Variants in PRDM8 observed in about 807,000 individuals in gnomAD.
PRDM8 encodes PR domain zinc finger protein 8.
PRDM8 carries 13 observed loss-of-function variants against 46.5 expected under a neutral mutation model. The ratio of observed to expected loss-of-function variants is 0.28; its 90% confidence interval spans 0.18 to 0.44. The LOEUF is 0.44. Ranked by LOEUF, PRDM8 falls within the 20% of genes least tolerant of loss-of-function variation. PRDM8 has a pLI of 1.00. For synonymous variants in PRDM8, 473 were observed against 438.4 expected, an observed-to-expected ratio of 1.08 and a Z score of -0.98; for missense variants, 998 against 955.0, an observed-to-expected ratio of 1.04 and a Z score of -0.59.
upstream of PRDM8, chr4:80,197,287 A>C (rs1738031031): frequency 4.1e-6 from 4 of 976,704 alleles, no homozygotes; most frequent in African/African-American, 1.8e-5. Context: ...CTTTAGGAGG[A>C]GGCGGGCCGG....
upstream of PRDM8, among the ~76,000 whole-genome samples, chr4:80,192,599 T>A (rs1425747063): frequency 6.6e-6 from 1 of 152,234 alleles, no homozygotes; most frequent in Admixed American, 6.5e-5. Flanking sequence ...CACACTGAGA[T>A]GCGTTCAAAG....
intron 1 of PRDM8, among the ~76,000 whole-genome samples, chr4:80,188,790 T>G (rs1275994254): frequency 6.6e-6 from 1 of 152,222 alleles, no homozygotes; most frequent in Non-Finnish European, 1.5e-5. Flanking sequence ...GCGCGGAAGC[T>G]GCGTGGGCTA....
At position 80,202,397 on chromosome 4, in the gene PRDM8, G is replaced by C. The variant is rs201579839; in HGVS notation, c.935G>C (p.Gly312Ala). Reference sequence around the variant, plus strand: ...GGCATCGCCACGGGCGGCGGCAAAGGAAAGAGGAAATTCCCGGAGGAGGCG... The same window carrying C: ...GGCATCGCCACGGGCGGCGGCAAAGCAAAGAGGAAATTCCCGGAGGAGGCG... ...PDGIATGGGK[G>A]KRKFPEEAAE... Residue 312 changes from glycine (G) to alanine (A), a missense_variant, in exon 4 of 4, where the codon GGA becomes GCA. Coordinates refer to ENST00000415738, the MANE Select transcript of PRDM8 (RefSeq NM_001099403.2). 26 of 1,572,930 alleles carry C rather than the reference G, an allele frequency of 1.7e-5. No homozygotes were observed. The highest frequency in any genetic ancestry group is 2.2e-5 in the Non-Finnish European group (26 of 1,159,788).
chr4:80,192,800 A>G (rs751359613), upstream of PRDM8, among the ~76,000 whole-genome samples: 2 of 152,134 alleles, frequency 1.3e-5, no homozygotes, highest in Admixed American at 6.5e-5. Flanking sequence ...TGGGGCACTG[A>G]TTTCATATCT....
In PRDM8 at chr4:80,188,855, T is replaced by C. The variant is rs1052647840; in HGVS notation, c.-982-2617T>C. On this transcript the variant is annotated intron_variant, in intron 1 of 9. Coordinates refer to the PRDM8 transcript ENST00000339711. ...GCCAGACAGGGAGCTCCGTCTGTCG[T>C]GCGGCCCACAGGGCTCCGCTCGAAG... 2.0e-5 allele frequency among the ~76,000 whole-genome samples: 3 copies of C among 152,240 alleles called. No individual in the cohort carries two copies. The East Asian group carries it at 5.8e-4, about 29-fold the overall frequency.
chr4:80,189,007 G>T (rs1414824942), intron 1 of PRDM8, among the ~76,000 whole-genome samples: 1 of 149,676 alleles, frequency 6.7e-6, no homozygotes, highest in Non-Finnish European at 1.5e-5. Context: ...GCCAAGCTCC[G>T]GGACTTGGGT....
At chr4:80,199,413 T>G (rs919501207) in intron 1 of PRDM8, among the ~76,000 whole-genome samples, 2 of 152,102 alleles carry the variant, frequency 1.3e-5, no homozygotes, top group Admixed American at 6.5e-5. Context: ...AGGAACAGTG[T>G]TGGATTATGG....
At chr4:80,195,895 A>C (rs1737903849), upstream of PRDM8, 1 of 201,510 alleles carries the variant, frequency 5.0e-6, no homozygotes, top group Non-Finnish European at 8.5e-6. Context: ...CAGAAAAGAG[A>C]AGGAAATACA....
chr4:80,197,418 A>C, upstream of PRDM8: 1 of 983,786 alleles, frequency 1.0e-6, no homozygotes, highest in Non-Finnish European at 1.2e-6. Flanking sequence ...CCCAGCAAAG[A>C]GTTAAAGGGA....
rs760412391 is a variant in PRDM8 at position 80,201,536 on chromosome 4, G to A, written c.451+15G>A. 6.2e-7 allele frequency: 1 copy of A among 1,609,378 alleles called. No individual in the cohort carries two copies. The highest frequency in any genetic ancestry group is 8.5e-7 in the Non-Finnish European group (1 of 1,175,908). ...CAAAATGAATGGTAGGTTGGCTCGC[G>A]ACCGGCGTGTGGGCCCTTAACTAGC... is the stretch of plus-strand genomic sequence containing the variant. On this transcript the variant is annotated intron_variant, in intron 3 of 3. Coordinates refer to ENST00000415738, the MANE Select transcript of PRDM8 (RefSeq NM_001099403.2).
chr4:80,197,296 G>C (rs1738031634), upstream of PRDM8: 9 of 973,718 alleles, frequency 9.2e-6, no homozygotes, highest in Non-Finnish European at 1.1e-5. Context: ...GAGGCGGGCC[G>C]GGACGCTCTC....
At chr4:80,199,569 GA>G (rs1332915775) in intron 1 of PRDM8, among the ~76,000 whole-genome samples, 3 of 151,900 alleles carry the variant, frequency 2.0e-5, no homozygotes, top group African/African-American at 7.3e-5. Flanking sequence ...CTCCTTGGAA[GA>G]AAAGAAAAAA....
intron 3 of PRDM8, 69 bp downstream of exon 3, chr4:80,201,590 C>A (rs1237033111): frequency 1.3e-6 from 2 of 1,489,844 alleles, no homozygotes; most frequent in Non-Finnish European, 1.9e-6. Context: ...GCGGCAGGGG[C>A]TCACCCGGCG....
At chr4:80,191,651 C>T (rs1303478181) in intron 2 of PRDM8, 2 of 152,178 alleles carry the variant, frequency 1.3e-5, no homozygotes, top group African/African-American at 4.8e-5. Context: ...AAGGAGACCA[C>T]CTTTCCAAGT....
upstream of PRDM8, chr4:80,196,226 A>T (rs912628140): frequency 2.3e-5 from 21 of 922,242 alleles, no homozygotes; most frequent in Non-Finnish European, 2.7e-5. Flanking sequence ...CCTCCACTTT[A>T]GCTAGCTACA....
At chr4:80,188,113 C>A (rs1044202264) in intron 1 of PRDM8, among the ~76,000 whole-genome samples, 2 of 152,328 alleles carry the variant, frequency 1.3e-5, no homozygotes, top group South Asian at 4.1e-4. Context: ...CCTTCCAACT[C>A]TCCAGTCACT....
upstream of PRDM8, among the ~76,000 whole-genome samples, chr4:80,193,760 T>C (rs538745311): frequency 1.3e-5 from 2 of 152,182 alleles, no homozygotes; most frequent in South Asian, 2.1e-4. Flanking sequence ...GTCTGCTCCA[T>C]TGGCATCCTC....
upstream of PRDM8, among the ~76,000 whole-genome samples, chr4:80,193,343 C>T (rs1578248128): frequency 6.6e-6 from 1 of 152,138 alleles, no homozygotes; most frequent in Non-Finnish European, 1.5e-5. Flanking sequence ...TTCCCACACC[C>T]CACCCCCTCA....
chr4:80,202,560 G>T lies in PRDM8; in HGVS notation c.1098G>T (p.Glu366Asp). The change falls in exon 4 of 4, where the codon GAG becomes GAT. Residue 366 changes from glutamate (E) to aspartate (D), a missense_variant. Glu to Asp is a conservative substitution (Grantham distance 45, BLOSUM62 2). Coordinates refer to ENST00000415738, the MANE Select transcript of PRDM8 (RefSeq NM_001099403.2). ...CGGGCAGCTACTTCGGCCTGGAAGA[G>T]AACGGCCGCCTCTTCGCGCCGCCAA... ...RASGSYFGLE[E>D]NGRLFAPPSP... The T allele has an allele frequency of 6.5e-7, 1 of 1,534,854 alleles. No individual in the cohort carries two copies. Among genetic ancestry groups the T allele is most frequent in the Non-Finnish European group, 8.7e-7 (1 of 1,146,334 alleles).
Sources: allele counts gnomAD v4.1 joint callset (sites outside exome capture counted in the v4.1 genomes callset), GRCh38; gene constraint gnomAD v4.1.1; transcripts MANE v1.5; gene names NCBI Gene and HGNC (gene_info 2026-07-23, HGNC 2026-07-21).